Variants in ASTN1 observed in about 807,000 individuals in gnomAD.
ASTN1 encodes the protein astrotactin-1.
Under a neutral mutation model 140.7 loss-of-function variants are expected in ASTN1, and 41 were observed. The ratio of observed to expected loss-of-function variants is 0.29; its 90% CI spans 0.23 to 0.38. ASTN1 has a LOEUF of 0.38. Ranked by LOEUF, ASTN1 falls within the 10% of genes least tolerant of loss-of-function variation. The pLI is 1.00. For synonymous variants in ASTN1, 640 were observed against 652.2 expected, an observed-to-expected ratio of 0.98 and a Z score of 0.29; for missense variants, 1,479 against 1,678.8, an observed-to-expected ratio of 0.88 and a Z score of 2.08.
Position 176,957,772 on chromosome 1 carries a change from A to G in ASTN1, c.1793T>C (p.Phe598Ser), listed in dbSNP as rs759219241. 1.7e-5 allele frequency: 27 copies of G among 1,613,936 alleles called. No homozygotes were observed. In the Admixed American group the frequency reaches 3.7e-4, roughly 22 times the overall value. Reference sequence around the variant, plus strand: ...TTTGCTGCAGTCGCGCACCGGCCCAAAGGAATCTAAGAGAACCTCCAGGCT... The same window carrying G: ...TTTGCTGCAGTCGCGCACCGGCCCAGAGGAATCTAAGAGAACCTCCAGGCT... ...FDSLEVLLDS[F>S]GPVRDCSKDN... Residue 598 changes from phenylalanine to serine, a missense_variant, in exon 11 of 23, where the codon TTT becomes TCT. Phe to Ser is a radical substitution (Grantham distance 155, BLOSUM62 -2). Around this residue, in one of 3 missense-constraint regions of ASTN1, gnomAD observed 729 missense variants for 860.4 expected, o/e 0.85. Coordinates refer to ENST00000361833, the MANE Select transcript of ASTN1 (RefSeq NM_004319.3).
intron 1 of ASTN1, among the ~76,000 whole-genome samples, chr1:177,124,334 G>A (rs1233490122): frequency 6.6e-6 from 1 of 152,188 alleles, no homozygotes; most frequent in Non-Finnish European, 1.5e-5. Context: ...GAGGCTGATA[G>A]AGTTCAGTAG....
At chr1:177,134,118 C>A (rs1056512244) in intron 1 of ASTN1, among the ~76,000 whole-genome samples, 2 of 152,226 alleles carry the variant, frequency 1.3e-5, no homozygotes, top group African/African-American at 4.8e-5. Context: ...CAAAATTCAT[C>A]ATTCCATGTA....
In ASTN1 at chr1:176,863,513, A is replaced by G; in HGVS notation, c.*771T>C. ...TGGACTGCTAACTAGTCTCCCAGGT[A>G]GACTTTTCTGAAGGTGCAGTTGACA... On this transcript the variant is annotated 3_prime_UTR_variant, in exon 23 of 23. Transcript: ENST00000361833. 5.1e-6 allele frequency: 5 copies of G among 985,544 alleles called. No homozygotes were observed. The highest frequency in any genetic ancestry group is 3.6e-6 in the Non-Finnish European group (3 of 829,924). The allele number at this position is 985,544 out of a possible 1,614,324, so 61.0% of individuals were successfully genotyped here. A position where few individuals can be genotyped will look rare whatever the true frequency, so the allele number is the denominator to read the frequency against.
chr1:177,110,097 T>C (rs1424755663), intron 1 of ASTN1, among the ~76,000 whole-genome samples: 1 of 152,238 alleles, frequency 6.6e-6, no homozygotes, highest in East Asian at 1.9e-4. Flanking sequence ...TTTGATTCTT[T>C]CTCACGGAAG....
chr1:176,874,356 G>A (rs1246197259), intron 21 of ASTN1, among the ~76,000 whole-genome samples: 3 of 152,204 alleles, frequency 2.0e-5, no homozygotes, highest in Non-Finnish European at 4.4e-5. Flanking sequence ...AAAAGGGAGA[G>A]TTTCGGTATG....
At chr1:177,143,626 TGC>T (rs1244968518) in intron 1 of ASTN1, among the ~76,000 whole-genome samples, 1 of 152,242 alleles carries the variant, frequency 6.6e-6, no homozygotes, top group East Asian at 1.9e-4. Flanking sequence ...CATGTCAATA[TGC>T]CACTTGAAAT....
intron 16 of ASTN1, among the ~76,000 whole-genome samples, chr1:176,907,365 T>C (rs1166416368): frequency 6.6e-6 from 1 of 152,228 alleles, no homozygotes; most frequent in African/African-American, 2.4e-5. Flanking sequence ...TTTAATATCA[T>C]TACTGTTTGG....
At chr1:177,047,020 T>G (rs1677265348) in intron 2 of ASTN1, among the ~76,000 whole-genome samples, 1 of 152,146 alleles carries the variant, frequency 6.6e-6, no homozygotes, top group African/African-American at 2.4e-5. Context: ...ATTCCCAAAG[T>G]CCCTTTAAGC....
intron 8 of ASTN1, among the ~76,000 whole-genome samples, chr1:176,983,181 G>A (rs530805545): frequency 6.6e-6 from 1 of 152,240 alleles, no homozygotes; most frequent in South Asian, 2.1e-4. Flanking sequence ...GTTCAATGTG[G>A]CAGATGCACA....
chr1:176,995,158 T>C (rs1674378664), intron 8 of ASTN1, among the ~76,000 whole-genome samples: 1 of 152,192 alleles, frequency 6.6e-6, no homozygotes, highest in Admixed American at 6.5e-5. Context: ...TCAATGAACA[T>C]TTATTCAGTG....
intron 1 of ASTN1, among the ~76,000 whole-genome samples, chr1:177,158,361 T>C (rs1489395636): frequency 3.3e-5 from 5 of 152,210 alleles, no homozygotes; most frequent in Non-Finnish European, 7.3e-5. Flanking sequence ...TGAAATAATT[T>C]TTTTAAAGTA....
At chr1:176,993,709 G>A (rs1674298602) in intron 8 of ASTN1, among the ~76,000 whole-genome samples, 1 of 152,088 alleles carries the variant, frequency 6.6e-6, no homozygotes, top group Admixed American at 6.6e-5. Context: ...GGTAATCTAT[G>A]GGGTAATTTC....
At chr1:176,968,085 T>G (rs1359097413) in intron 8 of ASTN1, among the ~76,000 whole-genome samples, 1 of 152,244 alleles carries the variant, frequency 6.6e-6, no homozygotes, top group East Asian at 1.9e-4. Flanking sequence ...CACCAATCAC[T>G]GTGTGACTTT....
chr1:176,935,837 A>G (rs1392939712), intron 15 of ASTN1, among the ~76,000 whole-genome samples: 1 of 151,230 alleles, frequency 6.6e-6, no homozygotes, highest in Non-Finnish European at 1.5e-5. Flanking sequence ...AGGAGCGTTA[A>G]GCTGCTTTCT....
intron 1 of ASTN1, among the ~76,000 whole-genome samples, chr1:177,067,170 C>T (rs1014472973): frequency 6.6e-6 from 1 of 151,968 alleles, no homozygotes; most frequent in African/African-American, 2.4e-5. Flanking sequence ...AAATAAGATG[C>T]ACTCCTATGA....
In ASTN1 at chr1:176,861,222, GT is replaced by G. The variant is rs1209629516; in HGVS notation, c.*3061del. On this transcript the variant is annotated 3_prime_UTR_variant, in exon 23 of 23. Coordinates refer to ENST00000361833, the MANE Select transcript of ASTN1 (RefSeq NM_004319.3). The stretch of plus-strand genomic sequence containing the variant: ...AGTAAAGTGTTTTTCTTCATACTCA[GT>G]TTTTTTAATAGAACATTTGAATATC... 5.3e-5 allele frequency: 52 copies of G among 979,556 alleles called. No homozygotes were observed. The highest frequency in any genetic ancestry group is 6.2e-5 in the Non-Finnish European group (51 of 824,580). The allele number at this position is 979,556 out of a possible 1,614,324, so 60.7% of individuals were successfully genotyped here. A position where few individuals can be genotyped will look rare whatever the true frequency, so the allele number is the denominator to read the frequency against.
intron 17 of ASTN1, among the ~76,000 whole-genome samples, chr1:176,893,833 T>C (rs1476099579): frequency 6.6e-6 from 1 of 152,220 alleles, no homozygotes; most frequent in African/African-American, 2.4e-5. Context: ...CTAATCTCTA[T>C]GTCCTTGAGG....
chr1:176,861,754 G>C lies in ASTN1; in HGVS notation c.*2530C>G. 1 of 985,478 alleles carries C rather than the reference G, an allele frequency of 1.0e-6. No homozygotes were observed. The highest frequency in any genetic ancestry group is 1.2e-6 in the Non-Finnish European group (1 of 830,006). 61.0% of individuals were successfully genotyped at this position (985,478 alleles called of 1,614,324 possible). ...CTCAACGAGAAACAGGAGGAAGAAA[G>C]TCTTGGGGAAAGAGGAGGCCAAAAA... On this transcript the variant is annotated 3_prime_UTR_variant, in exon 23 of 23. Transcript: ENST00000361833.
intron 1 of ASTN1, among the ~76,000 whole-genome samples, chr1:177,086,512 C>T (rs1001191113): frequency 2.6e-5 from 4 of 152,218 alleles, no homozygotes; most frequent in African/African-American, 9.6e-5. Flanking sequence ...CATTTAGATG[C>T]TCAGCAGAAG....
Sources: gnomAD v4.1 joint callset for allele counts (sites outside exome capture counted in the v4.1 genomes callset) on GRCh38, gnomAD v4.1.1 for gene constraint, gnomAD v4.1.1 regional missense constraint, MANE v1.5 for transcripts, NCBI Gene and HGNC (gene_info 2026-07-23, HGNC 2026-07-21) for gene names.